Variants in DMD observed in about 807,000 individuals in gnomAD.
The protein encoded by DMD is mutant dystrophin.
Under a neutral mutation model 330.1 loss-of-function variants are expected in DMD, and 63 were observed. The ratio of observed to expected loss-of-function variants is 0.19; its 90% CI spans 0.16 to 0.24. DMD has a LOEUF of 0.24. Ranked by LOEUF, DMD falls within the 10% of genes least tolerant of loss-of-function variation. DMD has a pLI of 1.00. For missense variants in DMD, 3,344 were observed against 2,684.1 expected (o/e 1.25, Z -5.43); for synonymous variants, 1,223 against 959.8 (o/e 1.27, Z -5.07).
chrX:32,572,077 T>C (rs959806108), intron 15 of DMD, among the ~76,000 whole-genome samples: 1 of 112,151 alleles, frequency 8.9e-6, no homozygotes, highest in Non-Finnish European at 1.9e-5. Context: ...TACAGGTTAC[T>C]TTTCTGAACT....
chrX:32,758,792 C>A (rs1430233832), intron 7 of DMD, among the ~76,000 whole-genome samples: 2 of 111,472 alleles, frequency 1.8e-5, no homozygotes, highest in Non-Finnish European at 3.8e-5. Flanking sequence ...TCACCTGGAG[C>A]AAAACGACCA....
intron 9 of DMD, among the ~76,000 whole-genome samples, chrX:32,648,028 A>G (rs958870899): frequency 2.7e-5 from 3 of 112,260 alleles, no homozygotes; most frequent in African/African-American, 9.7e-5. Flanking sequence ...AAACAGCACT[A>G]ATACTCAAGT....
At chrX:33,305,601 C>CT (rs1220270542) in intron 1 of DMD, among the ~76,000 whole-genome samples, 2 of 90,854 alleles carry the variant, frequency 2.2e-5, no homozygotes, top group African/African-American at 7.7e-5. Flanking sequence ...CCAAATATAA[C>CT]TTCAAAAAAA....
At chrX:32,434,648 A>G (rs1283347250) in intron 29 of DMD, among the ~76,000 whole-genome samples, 1 of 111,925 alleles carries the variant, frequency 8.9e-6, no homozygotes, top group East Asian at 2.8e-4. Context: ...TCGAAACAAC[A>G]GTCTTTTTAA....
chrX:32,785,280 CATA>C (rs1164243574), intron 7 of DMD, among the ~76,000 whole-genome samples: 8 of 109,702 alleles, frequency 7.3e-5, no homozygotes, highest in African/African-American at 2.3e-4. Flanking sequence ...CAATAGTGCT[CATA>C]ATATTAATGT....
At chrX:32,208,843 C>T (rs2097082155) in intron 44 of DMD, among the ~76,000 whole-genome samples, 1 of 110,854 alleles carries the variant, frequency 9.0e-6, no homozygotes, top group South Asian at 3.8e-4. Context: ...GAGAACAGGG[C>T]CATCATATTG....
rs770079530 is a variant in DMD at position 31,121,124 on chromosome X, A to C, written c.*795T>G. On this transcript the variant is annotated 3_prime_UTR_variant, in exon 79 of 79. Coordinates refer to ENST00000357033, the MANE Select transcript of DMD (RefSeq NM_004006.3). ...TAAGCCTGGATGACTGACTAGAAGTAATTTCTTTCTATTAGGATGTGACAT... is the reference window on the plus strand; with the variant it reads ...TAAGCCTGGATGACTGACTAGAAGTCATTTCTTTCTATTAGGATGTGACAT... 2.7e-4 allele frequency: 30 copies of C among 112,059 alleles called. No individual in the cohort carries two copies. Among genetic ancestry groups the C allele is most frequent in the African/African-American group, 9.1e-4 (28 of 30,832 alleles). The allele number at this position is 112,059 out of a possible 1,213,427, so 9.2% of individuals were successfully genotyped here. A position where few individuals can be genotyped will look rare whatever the true frequency, so the allele number is the denominator to read the frequency against.
intron 1 of DMD, among the ~76,000 whole-genome samples, chrX:33,246,370 T>C (rs1339466285): frequency 9.0e-6 from 1 of 111,604 alleles, no homozygotes; most frequent in African/African-American, 3.3e-5. Context: ...GTTTCATTTA[T>C]ACAGTTCCAG....
At chrX:32,858,504 A>G (rs764610904) in intron 2 of DMD, among the ~76,000 whole-genome samples, 1 of 110,687 alleles carries the variant, frequency 9.0e-6, no homozygotes, top group African/African-American at 3.3e-5. Flanking sequence ...TCAGTTTTGT[A>G]TTTTTAGTAG....
At chrX:31,615,904 T>C (rs1003513301) in intron 55 of DMD, among the ~76,000 whole-genome samples, 7 of 111,910 alleles carry the variant, frequency 6.3e-5, no homozygotes, top group African/African-American at 1.9e-4. Flanking sequence ...AGCCTGAAAA[T>C]AGTAATAACA....
At chrX:32,713,206 C>G (rs2065353553) in intron 7 of DMD, among the ~76,000 whole-genome samples, 1 of 111,767 alleles carries the variant, frequency 8.9e-6, no homozygotes, top group Non-Finnish European at 1.9e-5. Context: ...TTAGAATTAT[C>G]TAGAAAACTG....
At chrX:33,049,243 T>C (rs767140368) in intron 1 of DMD, among the ~76,000 whole-genome samples, 1 of 111,967 alleles carries the variant, frequency 8.9e-6, no homozygotes, top group Admixed American at 9.5e-5. Flanking sequence ...AGCTCCAAAC[T>C]TATCACGATT....
intron 6 of DMD, among the ~76,000 whole-genome samples, chrX:32,811,853 A>T (rs2077391912): frequency 8.9e-6 from 1 of 112,249 alleles, no homozygotes; most frequent in African/African-American, 3.2e-5. Context: ...GCATTAAAAA[A>T]AATGTATTGA....
At chrX:32,933,894 G>C (rs2089794161) in intron 2 of DMD, among the ~76,000 whole-genome samples, 1 of 111,641 alleles carries the variant, frequency 9.0e-6, no homozygotes, top group Admixed American at 9.5e-5. Flanking sequence ...GTCAGGAGTA[G>C]GGTCTTTATC....
In DMD at chrX:31,754,840, C is replaced by A. The variant is rs752565562; in HGVS notation, c.7542+19120G>T. 2.7e-5 allele frequency among the ~76,000 whole-genome samples: 3 copies of A among 111,519 alleles called. No individual in the cohort carries two copies. In the East Asian group the frequency reaches 8.5e-4, roughly 31 times the overall value. On this transcript the variant is annotated intron_variant, in intron 51 of 78. Transcript: ENST00000357033. ...CATTTCACTCATGATTGAATTGACA[C>A]CAAATGGTTGCCTCTTTGCAATATA... is the stretch of plus-strand genomic sequence containing the variant.
intron 44 of DMD, among the ~76,000 whole-genome samples, chrX:32,181,210 T>C (rs1255102946): frequency 8.9e-6 from 1 of 111,760 alleles, no homozygotes; most frequent in African/African-American, 3.3e-5. Flanking sequence ...CCTTAGAATG[T>C]AGGTACTCAG....
At chrX:31,951,125 A>ATG (rs2095159373) in intron 45 of DMD, among the ~76,000 whole-genome samples, 2 of 78,538 alleles carry the variant, frequency 2.5e-5, no homozygotes, top group African/African-American at 1.1e-4. Flanking sequence ...ATATATACAT[A>ATG]TATATATATA....
chrX:33,193,909 C>T (rs1392152680), intron 1 of DMD, among the ~76,000 whole-genome samples: 1 of 110,552 alleles, frequency 9.0e-6, no homozygotes, highest in Non-Finnish European at 1.9e-5. Flanking sequence ...AAAACTTCTT[C>T]CTAGTACAAG....
At chrX:32,483,238 A>G (rs1193847751) in intron 21 of DMD, among the ~76,000 whole-genome samples, 1 of 100,522 alleles carries the variant, frequency 9.9e-6, no homozygotes, top group African/African-American at 3.5e-5. Context: ...AAAATTAAAG[A>G]TGTGTAGCTA....
Sources: allele counts gnomAD v4.1 joint callset (sites outside exome capture counted in the v4.1 genomes callset), GRCh38; gene constraint gnomAD v4.1.1; transcripts MANE v1.5; gene names NCBI Gene and HGNC (gene_info 2026-07-23, HGNC 2026-07-21).